KCNH7: variants seen among roughly 807,000 people sequenced by gnomAD.
The protein encoded by KCNH7 is potassium voltage-gated channel subfamily H member 7.
In KCNH7, 49 loss-of-function variants were observed where a neutral mutation model predicts 120.8. The ratio of observed to expected loss-of-function variants is 0.41; its 90% CI spans 0.32 to 0.51. The LOEUF (loss-of-function observed/expected upper bound fraction) is 0.51. KCNH7 is among the 20% of genes least tolerant of loss of function. The pLI, the probability that KCNH7 is intolerant of heterozygous loss-of-function variation, is 0.38. For synonymous variants in KCNH7, 547 were observed against 516.1 expected, an observed-to-expected ratio of 1.06 and a Z score of -0.81; for missense variants, 1,097 against 1,446.6, an observed-to-expected ratio of 0.76 and a Z score of 3.92.
intron 2 of KCNH7, among the ~76,000 whole-genome samples, chr2:162,799,689 C>A (rs1277870122): frequency 6.6e-6 from 1 of 151,918 alleles, no homozygotes. Flanking sequence ...TAAAAGAATA[C>A]CAAGGGCAAA....
At chr2:162,670,301 C>T (rs1294754465) in intron 2 of KCNH7, among the ~76,000 whole-genome samples, 3 of 151,384 alleles carry the variant, frequency 2.0e-5, no homozygotes, top group African/African-American at 7.3e-5. Flanking sequence ...AGGCGAAACC[C>T]CACCTCTACT....
chr2:162,763,776 G>C (rs2105456299), intron 2 of KCNH7, among the ~76,000 whole-genome samples: 1 of 144,882 alleles, frequency 6.9e-6, no homozygotes, highest in East Asian at 2.1e-4. Context: ...TGTGTGTTTT[G>C]CTTTTGTTTT....
chr2:162,671,963 T>C (rs1031656560), intron 2 of KCNH7, among the ~76,000 whole-genome samples: 1 of 151,928 alleles, frequency 6.6e-6, no homozygotes, highest in African/African-American at 2.4e-5. Context: ...GATAGCACAA[T>C]AAACATAAAG....
chr2:162,474,947 C>A (rs1228035080), intron 6 of KCNH7, among the ~76,000 whole-genome samples: 1 of 152,338 alleles, frequency 6.6e-6, no homozygotes, highest in East Asian at 1.9e-4. Flanking sequence ...GGAAGGCTCA[C>A]GTAAGTGAGC....
In KCNH7 at chr2:162,799,806, T is replaced by A. The variant is rs140277377; in HGVS notation, c.307+36731A>T. Among the ~76,000 whole-genome samples, 759 of 152,038 alleles carry A rather than the reference T, an allele frequency of 5.0e-3. 8 individuals are homozygous for A. Among genetic ancestry groups the A allele is most frequent in the African/African-American group, 0.017 (716 of 41,510 alleles). ...TTGGTAAAACAATTTGCGTTCCTGGTTCGCATTTCAAAGCCTTAGAAAGTC... is the reference window on the plus strand; with the variant it reads ...TTGGTAAAACAATTTGCGTTCCTGGATCGCATTTCAAAGCCTTAGAAAGTC... On this transcript the variant is annotated intron_variant, in intron 2 of 15. Transcript: ENST00000332142.
chr2:162,702,066 T>C (rs1686526826), intron 2 of KCNH7, among the ~76,000 whole-genome samples: 2 of 151,970 alleles, frequency 1.3e-5, no homozygotes, highest in South Asian at 2.1e-4. Flanking sequence ...CAGCATTATA[T>C]AGTTCAGTCA....
intron 6 of KCNH7, among the ~76,000 whole-genome samples, chr2:162,477,563 G>A (rs1025061619): frequency 5.3e-5 from 8 of 152,134 alleles, no homozygotes; most frequent in African/African-American, 1.9e-4. Flanking sequence ...AAAAAAGCAG[G>A]TTGTCATTTC....
At chr2:162,490,465 G>A (rs1286656713) in intron 6 of KCNH7, among the ~76,000 whole-genome samples, 3 of 152,324 alleles carry the variant, frequency 2.0e-5, no homozygotes, top group African/African-American at 7.2e-5. Context: ...TGTAAGACAA[G>A]AAGCCAGACC....
At chr2:162,692,440 A>G (rs1373777951) in intron 2 of KCNH7, among the ~76,000 whole-genome samples, 1 of 152,146 alleles carries the variant, frequency 6.6e-6, no homozygotes, top group Admixed American at 6.6e-5. Flanking sequence ...GCACACTCAT[A>G]CACACCACAC....
chr2:162,416,808 G>A (rs796315402), intron 9 of KCNH7, among the ~76,000 whole-genome samples: 14 of 152,198 alleles, frequency 9.2e-5, no homozygotes, highest in South Asian at 2.1e-4. Flanking sequence ...TAAGGTGAAC[G>A]TAGAGTTATG....
At chr2:162,626,198 A>G (rs1481148069) in intron 2 of KCNH7, among the ~76,000 whole-genome samples, 1 of 152,186 alleles carries the variant, frequency 6.6e-6, no homozygotes, top group Non-Finnish European at 1.5e-5. Flanking sequence ...AGGAAAAACA[A>G]CTGAGAAAAA....
intron 9 of KCNH7, among the ~76,000 whole-genome samples, chr2:162,404,182 C>G (rs2105451471): frequency 6.6e-6 from 1 of 151,962 alleles, no homozygotes; most frequent in Admixed American, 6.6e-5. Flanking sequence ...ATTGTTATAT[C>G]TATTTCCACT....
intron 2 of KCNH7, among the ~76,000 whole-genome samples, chr2:162,764,820 T>C (rs1682719932): frequency 6.6e-6 from 1 of 152,188 alleles, no homozygotes; most frequent in Non-Finnish European, 1.5e-5. Flanking sequence ...TAGTATGTTA[T>C]GAAGCATCAT....
chr2:162,435,584 A>G lies in KCNH7; in HGVS notation c.1568T>C (p.Ile523Thr). 6.3e-7 allele frequency: 1 copy of G among 1,591,908 alleles called. No homozygotes were observed. Among genetic ancestry groups the G allele is most frequent in the Middle Eastern group, 1.7e-4 (1 of 5,920 alleles). ...GSGSDETTTL[I>T]GLLKTARLLR... Reference sequence around the variant, plus strand: ...GAGTCGGGCAGTCTTCAAAAGACCAATTAATGTTGTTGTCTGTAGAAATAA... The same window carrying G: ...GAGTCGGGCAGTCTTCAAAAGACCAGTTAATGTTGTTGTCTGTAGAAATAA... Residue 523 changes from isoleucine to threonine, a missense_variant, in exon 8 of 16, where the codon ATT (isoleucine) becomes ACT (threonine). By Grantham distance (89) the Ile-to-Thr change is moderately conservative (BLOSUM62 -1). Transcript: ENST00000332142.
intron 2 of KCNH7, among the ~76,000 whole-genome samples, chr2:162,611,117 G>C (rs1449557164): frequency 2.6e-5 from 4 of 152,128 alleles, no homozygotes; most frequent in Non-Finnish European, 5.9e-5. Flanking sequence ...ACCATTTTCA[G>C]ACACACTTGG....
At chr2:162,607,194 G>A (rs1238119668) in intron 2 of KCNH7, among the ~76,000 whole-genome samples, 1 of 144,054 alleles carries the variant, frequency 6.9e-6, no homozygotes, top group Non-Finnish European at 1.5e-5. Flanking sequence ...GGCCAATATG[G>A]TGAAACCCCG....
chr2:162,488,786 T>C (rs892628896), intron 6 of KCNH7, among the ~76,000 whole-genome samples: 5 of 152,214 alleles, frequency 3.3e-5, no homozygotes, highest in Admixed American at 3.3e-4. Flanking sequence ...TGCCAGTAAT[T>C]CTTTTTACCA....
chr2:162,637,159 C>T (rs1289643075), intron 2 of KCNH7, among the ~76,000 whole-genome samples: 1 of 152,098 alleles, frequency 6.6e-6, no homozygotes, highest in Non-Finnish European at 1.5e-5. Flanking sequence ...GTGCCATTTT[C>T]CATGTTAATG....
intron 6 of KCNH7, among the ~76,000 whole-genome samples, chr2:162,468,454 G>A (rs1433202650): frequency 6.8e-6 from 1 of 147,762 alleles, no homozygotes; most frequent in Non-Finnish European, 1.5e-5. Flanking sequence ...TATCTTGGCA[G>A]AAGAATTTAA....
Sources: allele counts gnomAD v4.1 joint callset (sites outside exome capture counted in the v4.1 genomes callset), GRCh38; gene constraint gnomAD v4.1.1; transcripts MANE v1.5; gene names NCBI Gene and HGNC (gene_info 2026-07-23, HGNC 2026-07-21).